MUC7: variants seen among roughly 807,000 people sequenced by gnomAD.
The protein encoded by MUC7 is mucin 7, secreted.
A neutral mutation model predicts 2.5 loss-of-function variants in MUC7; 2 were observed. The observed-to-expected ratio is 0.81, with a 90% CI of 0.33 to 2.55. The LOEUF (loss-of-function observed/expected upper bound fraction) is 2.55, where lower values mean the gene tolerates loss of function less well. Ranked by LOEUF, MUC7 falls within the 30% of genes most tolerant of loss-of-function variation. MUC7 has a pLI of 0.11. For synonymous variants in MUC7, 133 were observed against 173.4 expected (o/e 0.77, Z 1.83); for missense variants, 408 against 455.6 (o/e 0.90, Z 0.95).
intron 1 of MUC7, among the ~76,000 whole-genome samples, chr4:70,472,616 T>A (rs1232780570): frequency 2.0e-5 from 3 of 152,232 alleles, no homozygotes; most frequent in Admixed American, 2.0e-4. Flanking sequence ...TGAGACTTTA[T>A]TATGGATAAG....
intron 1 of MUC7, among the ~76,000 whole-genome samples, chr4:70,440,383 A>G (rs900264222): frequency 5.3e-5 from 8 of 152,154 alleles, no homozygotes; most frequent in Non-Finnish European, 1.0e-4. Flanking sequence ...TCAATGCTCA[A>G]CTTATACCGC....
At position 70,442,316 on chromosome 4, in the gene MUC7, C is replaced by T. The variant is rs79118038; in HGVS notation, c.-93+11629C>T. 2.0e-5 allele frequency among the ~76,000 whole-genome samples: 3 copies of T among 152,194 alleles called. No individual in the cohort carries two copies. In the East Asian group the frequency reaches 5.8e-4, roughly 29 times the overall value. ...AGAAAAACAGAAGCAAAAAAAAGTG[C>T]ATTTAGGATTCTCAGACTCATGAAT... On this transcript the variant is annotated intron_variant, in intron 1 of 3. Coordinates refer to the MUC7 transcript ENST00000413702.
chr4:70,437,973 A>G (rs1733897574), intron 1 of MUC7, among the ~76,000 whole-genome samples: 1 of 152,182 alleles, frequency 6.6e-6, no homozygotes, highest in Non-Finnish European at 1.5e-5. Flanking sequence ...ATATATAAAG[A>G]GCTAGCTTTG....
chr4:70,482,343 A>G lies in MUC7; in HGVS notation c.*465A>G, dbSNP rs914902683. On this transcript the variant is annotated 3_prime_UTR_variant, in exon 3 of 3. Coordinates refer to ENST00000304887, the MANE Select transcript of MUC7 (RefSeq NM_152291.3). ...TATCTGTAGATAGAAACATTTATCTATCTAAATATATTGATAGACCTGTCA... is the reference window on the plus strand; with the variant it reads ...TATCTGTAGATAGAAACATTTATCTGTCTAAATATATTGATAGACCTGTCA... 2 of 157,814 alleles carry G rather than the reference A, an allele frequency of 1.3e-5. No homozygotes were observed. The highest frequency in any genetic ancestry group is 4.8e-5 in the African/African-American group (2 of 41,494). 9.8% of individuals were successfully genotyped at this position (157,814 alleles called of 1,614,324 possible).
chr4:70,435,694 C>T (rs1030917883), intron 1 of MUC7, among the ~76,000 whole-genome samples: 2 of 152,164 alleles, frequency 1.3e-5, no homozygotes, highest in Non-Finnish European at 2.9e-5. Context: ...GCATTTAGCC[C>T]ATTTACATTT....
upstream of MUC7, among the ~76,000 whole-genome samples, chr4:70,469,202 A>G (rs1187959177): frequency 1.3e-5 from 2 of 152,256 alleles, no homozygotes; most frequent in Non-Finnish European, 2.9e-5. Flanking sequence ...CTGGCTAGCC[A>G]CATGCAGAAA....
At chr4:70,446,554 TTA>T (rs1309343944) in intron 1 of MUC7, among the ~76,000 whole-genome samples, 4 of 152,214 alleles carry the variant, frequency 2.6e-5, no homozygotes, top group African/African-American at 9.6e-5. Flanking sequence ...AGGACAGTAG[TTA>T]TATTGGATTA....
intron 2 of MUC7, among the ~76,000 whole-genome samples, chr4:70,478,090 C>T (rs1442347852): frequency 2.0e-5 from 3 of 152,058 alleles, no homozygotes; most frequent in South Asian, 2.1e-4. Flanking sequence ...GTAAATCAAA[C>T]AAACTGGTCA....
Position 70,474,225 on chromosome 4 carries a change from T to C in MUC7, c.54+150T>C, listed in dbSNP as rs571529277. On this transcript the variant is annotated intron_variant, in intron 2 of 2. Coordinates refer to ENST00000304887, the MANE Select transcript of MUC7 (RefSeq NM_152291.3). ...CCAGGAAACCTATAAATATGGACAA[T>C]TGGCCGGTGCACTGGCTCACACCTC... The C allele has an allele frequency of 5.1e-4, 324 of 637,430 alleles. No individual in the cohort carries two copies. The South Asian group carries it at 6.4e-3, about 13-fold the overall frequency. 39.5% of individuals were successfully genotyped at this position (637,430 alleles called of 1,614,324 possible).
Position 70,481,026 on chromosome 4 carries a change from A to G in MUC7, c.282A>G (p.Pro94=). 6.2e-7 allele frequency: 1 copy of G among 1,614,120 alleles called. No homozygotes were observed. Among genetic ancestry groups the G allele is most frequent in the Non-Finnish European group, 8.5e-7 (1 of 1,180,014 alleles). The change falls in exon 3 of 3, where the codon CCA becomes CCG. Residue 94 remains proline (P), a synonymous_variant. Transcript: ENST00000304887. ...FPNPHQPPKH[P]DKNSSVVNPT... Reference sequence around the variant, plus strand: ...ATCCTCACCAGCCACCTAAACATCCAGATAAAAATAGCAGTGTGGTCAACC... The same window carrying G: ...ATCCTCACCAGCCACCTAAACATCCGGATAAAAATAGCAGTGTGGTCAACC...
chr4:70,459,277 G>A (rs1734490177), intron 1 of MUC7, among the ~76,000 whole-genome samples: 1 of 152,202 alleles, frequency 6.6e-6, no homozygotes, highest in Non-Finnish European at 1.5e-5. Flanking sequence ...CATGTCCTTT[G>A]TAGGGACATG....
At chr4:70,464,289 G>T (rs894560309) in intron 1 of MUC7, among the ~76,000 whole-genome samples, 2 of 152,144 alleles carry the variant, frequency 1.3e-5, no homozygotes, top group South Asian at 4.1e-4. Context: ...TATACCACCA[G>T]GGCCCAGGGT....
intron 1 of MUC7, among the ~76,000 whole-genome samples, chr4:70,445,153 C>T (rs1394025849): frequency 2.0e-5 from 3 of 152,176 alleles, no homozygotes; most frequent in African/African-American, 7.2e-5. Context: ...GCCATCAATA[C>T]CACACCTGCA....
At chr4:70,460,809 T>C (rs1734538199) in intron 1 of MUC7, among the ~76,000 whole-genome samples, 1 of 152,158 alleles carries the variant, frequency 6.6e-6, no homozygotes, top group Non-Finnish European at 1.5e-5. Flanking sequence ...ATATGGGGGC[T>C]GTGGTTCCCA....
rs185472272 is a variant in MUC7 at position 70,431,743 on chromosome 4, T to C, written c.-93+1056T>C. On this transcript the variant is annotated intron_variant, in intron 1 of 3. Coordinates refer to the MUC7 transcript ENST00000413702. Reference sequence around the variant, plus strand: ...GTCTGGTTTAAATTATGGGTTTCAATTTTTTTATTTTTTTATTATTATACT... The same window carrying C: ...GTCTGGTTTAAATTATGGGTTTCAACTTTTTTATTTTTTTATTATTATACT... Among the ~76,000 whole-genome samples, 690 of 152,184 alleles carry C rather than the reference T, an allele frequency of 4.5e-3. 8 individuals carry two copies. The highest frequency in any genetic ancestry group is 0.016 in the African/African-American group (667 of 41,536).
At chr4:70,452,903 G>T (rs1052738574) in intron 1 of MUC7, among the ~76,000 whole-genome samples, 1 of 152,154 alleles carries the variant, frequency 6.6e-6, no homozygotes, top group Non-Finnish European at 1.5e-5. Context: ...CTCAGGTTTT[G>T]TTTGTCTGGG....
chr4:70,473,851 G>A (rs1047244782), intron 1 of MUC7, among the ~76,000 whole-genome samples, 156 bp from the exon 2 acceptor site: 6 of 152,074 alleles, frequency 3.9e-5, no homozygotes, highest in African/African-American at 1.4e-4. Context: ...AAGCAATTTT[G>A]CATCACCCCT....
At chr4:70,448,671 A>C (rs1377997681) in intron 1 of MUC7, among the ~76,000 whole-genome samples, 1 of 152,166 alleles carries the variant, frequency 6.6e-6, no homozygotes, top group African/African-American at 2.4e-5. Context: ...TCAGGTTATT[A>C]ATGCCTTGTC....
intron 1 of MUC7, among the ~76,000 whole-genome samples, chr4:70,473,405 C>T (rs935374232): frequency 4.6e-5 from 7 of 150,906 alleles, no homozygotes; most frequent in African/African-American, 1.7e-4. Context: ...GCGTGTGCCA[C>T]TTCACTCCAG....
Sources: gnomAD v4.1 joint callset for allele counts (sites outside exome capture counted in the v4.1 genomes callset) on GRCh38, gnomAD v4.1.1 for gene constraint, MANE v1.5 for transcripts, NCBI Gene and HGNC (gene_info 2026-07-23, HGNC 2026-07-21) for gene names.